PHACTR4: variants seen among roughly 807,000 people sequenced by gnomAD.
The protein encoded by PHACTR4 is protein phosphatase 1, regulatory subunit 124.
In PHACTR4, 51 loss-of-function variants were observed where a neutral mutation model predicts 72.7. The ratio of observed to expected loss-of-function variants is 0.70; its 90% CI spans 0.56 to 0.89. The LOEUF (loss-of-function observed/expected upper bound fraction) is 0.89, where lower values mean the gene tolerates loss of function less well. PHACTR4 is among the 40% of genes least tolerant of loss of function. PHACTR4 has a pLI of 0.00. For synonymous variants in PHACTR4, 255 were observed against 302.5 expected (o/e 0.84, Z 1.63); for missense variants, 731 against 861.8 (o/e 0.85, Z 1.90).
At chr1:28,474,385 G>C (rs1032660786) in intron 7 of PHACTR4, among the ~76,000 whole-genome samples, 7 of 151,744 alleles carry the variant, frequency 4.6e-5, no homozygotes, top group Admixed American at 1.3e-4. Flanking sequence ...TTGGCCAGGC[G>C]TGGTGGCACA....
intron 1 of PHACTR4, among the ~76,000 whole-genome samples, chr1:28,379,935 G>A (rs1024594862): frequency 7.3e-5 from 11 of 151,354 alleles, no homozygotes; most frequent in South Asian, 2.1e-4. Context: ...TTCCATAAGT[G>A]GAGTAAATAT....
intron 2 of PHACTR4, among the ~76,000 whole-genome samples, chr1:28,447,022 A>G (rs1657527353): frequency 1.3e-5 from 2 of 151,574 alleles, no homozygotes; most frequent in African/African-American, 4.9e-5. Flanking sequence ...TTATTTATTT[A>G]TTTATTTAGA....
chr1:28,469,448 C>T (rs1213191008), intron 6 of PHACTR4, among the ~76,000 whole-genome samples: 1 of 152,218 alleles, frequency 6.6e-6, no homozygotes, highest in Non-Finnish European at 1.5e-5. Flanking sequence ...CCCAGAAACA[C>T]TCTGAAATTT....
At chr1:28,380,487 C>T (rs1033692521) in intron 1 of PHACTR4, among the ~76,000 whole-genome samples, 10 of 152,114 alleles carry the variant, frequency 6.6e-5, no homozygotes, top group Admixed American at 2.0e-4. Context: ...AGTTATTTTT[C>T]CAGATCCTCT....
Position 28,467,749 on chromosome 1 carries a change from TAAAA to T in PHACTR4, c.823+982_823+985del, listed in dbSNP as rs1274958584. ...AGAATTAAGAATGCTATTCTTATGTTAAAATAAGTGATGGTAGAGAAAGCAGGGA... is the reference window on the plus strand; with the variant it reads ...AGAATTAAGAATGCTATTCTTATGTTTAAGTGATGGTAGAGAAAGCAGGGA... On this transcript the variant is annotated intron_variant, in intron 6 of 13. Transcript: ENST00000373839. Among the ~76,000 whole-genome samples the T allele has an allele frequency of 2.6e-5, 4 of 152,152 alleles. No homozygotes were observed. The East Asian group carries it at 7.7e-4, about 29-fold the overall frequency.
chr1:28,457,815 T>C, intron 2 of PHACTR4: 2 of 985,534 alleles, frequency 2.0e-6, no homozygotes, highest in Non-Finnish European at 2.4e-6. Flanking sequence ...CATGACTCTT[T>C]TTTTCTTCCT....
At chr1:28,382,197 G>T (rs188635354) in intron 1 of PHACTR4, among the ~76,000 whole-genome samples, 1 of 152,318 alleles carries the variant, frequency 6.6e-6, no homozygotes, top group Non-Finnish European at 1.5e-5. Context: ...TCTGTAGGTT[G>T]TTTGTTCACC....
chr1:28,496,477 T>A, intron 13 of PHACTR4, 57 bp from the exon 14 acceptor site: 1 of 1,584,340 alleles, frequency 6.3e-7, no homozygotes, highest in African/African-American at 1.3e-5. Context: ...ACTGATACAT[T>A]AATAGCAAAG....
At chr1:28,400,979 A>C in intron 1 of PHACTR4, among the ~76,000 whole-genome samples, 1 of 152,148 alleles carries the variant, frequency 6.6e-6, no homozygotes, top group East Asian at 1.9e-4. Context: ...TGTCTTGAGT[A>C]ATCACCTGTC....
intron 1 of PHACTR4, among the ~76,000 whole-genome samples, chr1:28,379,621 G>A (rs184435933): frequency 0.029 from 4,178 of 143,428 alleles, 192 homozygotes; most frequent in African/African-American, 0.1. Flanking sequence ...ATGGGGTCTC[G>A]CTCTGTTGCC....
chr1:28,481,787 CT>C (rs1414151443), intron 9 of PHACTR4, among the ~76,000 whole-genome samples: 5 of 137,588 alleles, frequency 3.6e-5, no homozygotes, highest in African/African-American at 1.4e-4. Flanking sequence ...GAGACTCCAT[CT>C]AAAAAAAAAA....
intron 8 of PHACTR4, among the ~76,000 whole-genome samples, chr1:28,479,638 C>A (rs997876341): frequency 4.0e-5 from 6 of 151,210 alleles, no homozygotes; most frequent in Admixed American, 3.3e-4. Flanking sequence ...ATAATCCCTG[C>A]ACTTTGGGAG....
intron 1 of PHACTR4, among the ~76,000 whole-genome samples, chr1:28,380,265 C>T (rs1343685601): frequency 3.3e-5 from 5 of 150,890 alleles, no homozygotes; most frequent in African/African-American, 1.2e-4. Flanking sequence ...ACTGTGTTAG[C>T]CAGGATGGTC....
At chr1:28,420,740 A>G (rs900440128) in intron 2 of PHACTR4, among the ~76,000 whole-genome samples, 1 of 152,230 alleles carries the variant, frequency 6.6e-6, no homozygotes, top group Non-Finnish European at 1.5e-5. Flanking sequence ...AACATAGCCC[A>G]TATGATAAAA....
intron 1 of PHACTR4, among the ~76,000 whole-genome samples, chr1:28,378,579 C>T (rs200067622): frequency 3.6e-5 from 5 of 137,138 alleles, no homozygotes; most frequent in African/African-American, 8.3e-5. Flanking sequence ...GCCCCCCCCC[C>T]CTTTTTTTTT....
intron 2 of PHACTR4, among the ~76,000 whole-genome samples, chr1:28,438,791 G>C (rs1442679741): frequency 1.3e-5 from 2 of 152,096 alleles, no homozygotes; most frequent in Non-Finnish European, 2.9e-5. Context: ...TATTTTGTTA[G>C]TATTTTACAG....
intron 1 of PHACTR4, among the ~76,000 whole-genome samples, chr1:28,375,654 A>G (rs1468090153): frequency 6.6e-6 from 1 of 152,156 alleles, no homozygotes; most frequent in East Asian, 1.9e-4. Context: ...CCACCACACT[A>G]CAGCCTGTGT....
intron 2 of PHACTR4, chr1:28,438,392 A>C: frequency 4.3e-6 from 7 of 1,612,670 alleles, no homozygotes; most frequent in Non-Finnish European, 5.9e-6. Flanking sequence ...ATCATGGGAC[A>C]AGCTGATGTC....
intron 2 of PHACTR4, among the ~76,000 whole-genome samples, chr1:28,415,945 G>A (rs1050227561): frequency 6.6e-6 from 1 of 152,094 alleles, no homozygotes; most frequent in Non-Finnish European, 1.5e-5. Context: ...TTATTATGAT[G>A]ATGCTATAAA....
Sources: allele counts gnomAD v4.1 joint callset (sites outside exome capture counted in the v4.1 genomes callset), GRCh38; gene constraint gnomAD v4.1.1; transcripts MANE v1.5; gene names NCBI Gene and HGNC (gene_info 2026-07-23, HGNC 2026-07-21).